CNTNAP2: variants seen among roughly 807,000 people sequenced by gnomAD.
The protein encoded by CNTNAP2 is contactin associated protein 2, also known as contactin-associated protein-like 2.
A neutral mutation model predicts 155.2 loss-of-function variants in CNTNAP2; 98 were observed. That is an observed-to-expected ratio of 0.63 (90% CI 0.54 to 0.75). The LOEUF (loss-of-function observed/expected upper bound fraction) is 0.75, where lower values mean the gene tolerates loss of function less well. CNTNAP2 is among the 30% of genes least tolerant of loss of function. The pLI, the probability that CNTNAP2 is intolerant of heterozygous loss-of-function variation, is 0.00. For missense variants in CNTNAP2, 1,727 were observed against 1,688.1 expected (o/e 1.02, Z -0.40); for synonymous variants, 651 against 631.2 (o/e 1.03, Z -0.47).
chr7:147,871,149 T>C (rs952325353), intron 13 of CNTNAP2, among the ~76,000 whole-genome samples: 4 of 152,194 alleles, frequency 2.6e-5, no homozygotes, highest in African/African-American at 7.2e-5. Flanking sequence ...ATTTCACTCA[T>C]TTAATGGGAA....
intron 11 of CNTNAP2, among the ~76,000 whole-genome samples, chr7:147,498,998 A>G (rs1016619206): frequency 6.6e-6 from 1 of 152,196 alleles, no homozygotes; most frequent in Admixed American, 6.5e-5. Context: ...GGGATCATTT[A>G]GATTCCAGCA....
chr7:147,210,406 G>A (rs1274514105), intron 8 of CNTNAP2, among the ~76,000 whole-genome samples: 1 of 151,904 alleles, frequency 6.6e-6, no homozygotes, highest in African/African-American at 2.4e-5. Flanking sequence ...AGTCTGTGAG[G>A]ATCTTTTGTG....
intron 3 of CNTNAP2, among the ~76,000 whole-genome samples, chr7:146,907,815 G>A (rs1396071303): frequency 2.0e-5 from 3 of 151,862 alleles, no homozygotes; most frequent in Admixed American, 6.6e-5. Context: ...AACTTTAAAT[G>A]TAAATGGACT....
At chr7:147,108,587 A>G (rs1800815163) in intron 5 of CNTNAP2, among the ~76,000 whole-genome samples, 1 of 152,204 alleles carries the variant, frequency 6.6e-6, no homozygotes, top group Non-Finnish European at 1.5e-5. Context: ...GCAAGGAACA[A>G]ATAGACAAGA....
intron 11 of CNTNAP2, among the ~76,000 whole-genome samples, chr7:147,521,014 A>C (rs1799221063): frequency 6.6e-6 from 1 of 152,188 alleles, no homozygotes; most frequent in Non-Finnish European, 1.5e-5. Flanking sequence ...TTCCTTGACC[A>C]CATGAATGTG....
At chr7:147,316,376 G>A (rs944721115) in intron 9 of CNTNAP2, among the ~76,000 whole-genome samples, 3 of 152,050 alleles carry the variant, frequency 2.0e-5, no homozygotes, top group Non-Finnish European at 4.4e-5. Context: ...GGCAAAGAAA[G>A]CATCAGAAAA....
chr7:146,889,754 G>C (rs2129211199), intron 3 of CNTNAP2, among the ~76,000 whole-genome samples: 1 of 152,142 alleles, frequency 6.6e-6, no homozygotes, highest in Non-Finnish European at 1.5e-5. Flanking sequence ...GTTTTCTGAA[G>C]CTCCTTCCTA....
chr7:147,563,507 T>C (rs1213970205), intron 12 of CNTNAP2, among the ~76,000 whole-genome samples: 1 of 151,958 alleles, frequency 6.6e-6, no homozygotes, highest in Non-Finnish European at 1.5e-5. Flanking sequence ...CACACACATG[T>C]AGTCCCAGCT....
chr7:146,616,449 G>A (rs979433774), intron 1 of CNTNAP2, among the ~76,000 whole-genome samples: 1 of 152,146 alleles, frequency 6.6e-6, no homozygotes, highest in Non-Finnish European at 1.5e-5. Flanking sequence ...TTCAATATGA[G>A]GATGGCCTTT....
intron 1 of CNTNAP2, among the ~76,000 whole-genome samples, chr7:146,563,546 C>A (rs775986083): frequency 2.0e-5 from 3 of 151,998 alleles, no homozygotes; most frequent in Non-Finnish European, 4.4e-5. Context: ...TATTTACTAC[C>A]AGTTGCTGGT....
intron 13 of CNTNAP2, among the ~76,000 whole-genome samples, chr7:147,900,329 A>G (rs890814480): frequency 1.3e-5 from 2 of 152,066 alleles, no homozygotes; most frequent in Admixed American, 1.3e-4. Flanking sequence ...CTATTCCCCC[A>G]TGCTGTTCTC....
intron 10 of CNTNAP2, among the ~76,000 whole-genome samples, chr7:147,445,204 G>A (rs1386134616): frequency 1.3e-5 from 2 of 152,184 alleles, no homozygotes; most frequent in African/African-American, 4.8e-5. Flanking sequence ...CCTCTCAGCA[G>A]GGACAGGTGC....
intron 1 of CNTNAP2, among the ~76,000 whole-genome samples, chr7:146,700,159 C>G (rs949965477): frequency 6.6e-6 from 1 of 152,060 alleles, no homozygotes; most frequent in Non-Finnish European, 1.5e-5. Context: ...ATCCCTCAAA[C>G]TAGTCAACAC....
At chr7:147,838,400 A>AT (rs201113747) in intron 13 of CNTNAP2, among the ~76,000 whole-genome samples, 29 of 151,754 alleles carry the variant, frequency 1.9e-4, no homozygotes, top group East Asian at 7.8e-4. Context: ...AGAAAATAGG[A>AT]TTTTTTTTTC....
chr7:146,305,713 A>C (rs1800698876), intron 1 of CNTNAP2, among the ~76,000 whole-genome samples: 1 of 152,182 alleles, frequency 6.6e-6, no homozygotes, highest in Non-Finnish European at 1.5e-5. Flanking sequence ...ACAAAGACAC[A>C]ACATACCAGA....
At chr7:146,341,043 T>G (rs1323362798) in intron 1 of CNTNAP2, among the ~76,000 whole-genome samples, 3 of 152,200 alleles carry the variant, frequency 2.0e-5, no homozygotes. Flanking sequence ...TTTGCCTTTC[T>G]GCAAAAGGCT....
At chr7:146,312,864 C>A (rs144356851) in intron 1 of CNTNAP2, among the ~76,000 whole-genome samples, 1 of 152,268 alleles carries the variant, frequency 6.6e-6, no homozygotes, top group African/African-American at 2.4e-5. Context: ...ACAGTTTCAT[C>A]CATGTTATTG....
At chr7:147,493,718 G>A (rs757547260) in intron 11 of CNTNAP2, among the ~76,000 whole-genome samples, 1 of 152,134 alleles carries the variant, frequency 6.6e-6, no homozygotes. Context: ...TTAGAATCTA[G>A]CTTGGCATTT....
chr7:146,671,320 AC>A (rs879371892), intron 1 of CNTNAP2, among the ~76,000 whole-genome samples: 11 of 152,030 alleles, frequency 7.2e-5, no homozygotes, highest in Non-Finnish European at 1.3e-4. Context: ...GAGGCAAGCT[AC>A]TTTTAGTCTC....
Sources: gnomAD v4.1 joint callset for allele counts (sites outside exome capture counted in the v4.1 genomes callset) on GRCh38, gnomAD v4.1.1 for gene constraint, MANE v1.5 for transcripts, NCBI Gene and HGNC (gene_info 2026-07-23, HGNC 2026-07-21) for gene names.